Variants in TRAF6 observed in about 807,000 individuals in gnomAD.
The protein encoded by TRAF6 is TNF receptor-associated factor 6.
In TRAF6, 10 loss-of-function variants were observed where a neutral mutation model predicts 48.4. The ratio of observed to expected loss-of-function variants is 0.21; its 90% CI spans 0.13 to 0.35. TRAF6 has a LOEUF of 0.35. Ranked by LOEUF, TRAF6 falls within the 10% of genes least tolerant of loss-of-function variation. The pLI is 1.00. For synonymous variants in TRAF6, 186 were observed against 219.6 expected (o/e 0.85, Z 1.35); for missense variants, 397 against 661.0 (o/e 0.60, Z 4.38).
At chr11:36,497,038 C>G in intron 4 of TRAF6, 70 bp downstream of exon 4, 2 of 1,502,090 alleles carry the variant, frequency 1.3e-6, no homozygotes. Context: ...ACTGCTAACC[C>G]CCTCAAGTAC....
chr11:36,494,647 C>A (rs1194978457), intron 5 of TRAF6, among the ~76,000 whole-genome samples: 4 of 148,558 alleles, frequency 2.7e-5, no homozygotes, highest in African/African-American at 7.5e-5. Flanking sequence ...ATATATATAT[C>A]TTAGTTTTTT....
chr11:36,500,968 C>T (rs1859707701), intron 2 of TRAF6, among the ~76,000 whole-genome samples: 1 of 152,028 alleles, frequency 6.6e-6, no homozygotes, highest in South Asian at 2.1e-4. Context: ...ATTAGAATTG[C>T]TTTAAGTAAA....
rs201397793 is a variant in TRAF6, at chr11:36,498,448, C to A, written c.447+42G>T. 7 of 1,574,200 alleles carry A rather than the reference C, an allele frequency of 4.4e-6. No individual in the cohort carries two copies. In the African/African-American group the frequency reaches 6.8e-5, roughly 15 times the overall value. On this transcript the variant is annotated intron_variant, in intron 3 of 6. Coordinates refer to ENST00000526995, the MANE Select transcript of TRAF6 (RefSeq NM_004620.4). ...CAAAGTCCCTATTCTGTAGGAACTT[C>A]CTTTTATACATGTGCTAACAGCTAG...
chr11:36,491,180 A>G (rs1296197085), intron 6 of TRAF6, among the ~76,000 whole-genome samples: 1 of 152,126 alleles, frequency 6.6e-6, no homozygotes, highest in Admixed American at 6.5e-5. Flanking sequence ...AATATAGTCT[A>G]CCTGTATTGT....
chr11:36,503,406 T>A (rs5030436), intron 1 of TRAF6, among the ~76,000 whole-genome samples: 1,887 of 150,940 alleles, frequency 0.013, 44 homozygotes, highest in African/African-American at 0.043. Flanking sequence ...CGCCTCAGCC[T>A]CCCCAATAGC....
Position 36,498,492 on chromosome 11 carries a change from C to A in TRAF6, c.445G>T (p.Glu149Ter). ...CLHKMELRHLEDHQAHCEFAL... is the reference protein window; with the variant it reads ...CLHKMELRHL ...CAGCTAGAAAAGAACTTTAATACCT[C>A]AAGATGTCTCAGTTCCATCTTGTGC... Residue 149 changes from glutamate to a stop codon, truncating the protein, a stop_gained and splice_region_variant, in exon 3 of 7, where the codon GAG becomes TAG. Coordinates refer to ENST00000526995, the MANE Select transcript of TRAF6 (RefSeq NM_004620.4). LOFTEE classifies it high-confidence loss of function. 1 of 1,607,198 alleles carries A rather than the reference C, an allele frequency of 6.2e-7. No individual in the cohort carries two copies. Among genetic ancestry groups the A allele is most frequent in the Non-Finnish European group, 8.5e-7 (1 of 1,178,556 alleles).
Position 36,487,977 on chromosome 11 carries a change from C to T in TRAF6, c.*1861G>A, listed in dbSNP as rs967403217. On this transcript the variant is annotated 3_prime_UTR_variant, in exon 7 of 7. Transcript: ENST00000526995. ...TAAGCAAGCGCAAAGGAAAATAAGC[C>T]AACAAAAAGTTTAGTATATTTCCTT... 2 of 152,036 alleles carry T rather than the reference C, an allele frequency of 1.3e-5. No individual in the cohort carries two copies. The highest frequency in any genetic ancestry group is 4.8e-5 in the African/African-American group (2 of 41,368). The allele number at this position is 152,036 out of a possible 1,614,324, so 9.4% of individuals were successfully genotyped here.
chr11:36,510,121 G>A lies in TRAF6; in HGVS notation c.-96C>T, dbSNP rs1308972537. 6.6e-6 allele frequency: 1 copy of A among 152,532 alleles called. No homozygotes were observed. Among genetic ancestry groups the A allele is most frequent in the Non-Finnish European group, 1.5e-5 (1 of 68,298 alleles). 9.4% of individuals were successfully genotyped at this position (152,532 alleles called of 1,614,324 possible). A position where few individuals can be genotyped will look rare whatever the true frequency, so the allele number is the denominator to read the frequency against. The stretch of plus-strand genomic sequence containing the variant: ...CAACCGCACGACTCCGCTCAGCCAA[G>A]GCGCTGGTAGAGGACGGACACAGAC... On this transcript the variant is annotated 5_prime_UTR_variant, in exon 1 of 7. Coordinates refer to ENST00000526995, the MANE Select transcript of TRAF6 (RefSeq NM_004620.4).
chr11:36,502,586 C>T (rs927180817), intron 1 of TRAF6, among the ~76,000 whole-genome samples: 1 of 152,132 alleles, frequency 6.6e-6, no homozygotes, highest in African/African-American at 2.4e-5. Flanking sequence ...GCTGCCACTT[C>T]ACCAAATCGA....
At chr11:36,500,245 G>C (rs1354282906) in intron 2 of TRAF6, among the ~76,000 whole-genome samples, 1 of 152,170 alleles carries the variant, frequency 6.6e-6, no homozygotes, top group African/African-American at 2.4e-5. Context: ...CGGCAAGAAA[G>C]GTGGAACCAC....
intron 4 of TRAF6, chr11:36,496,303 C>CA (rs1171266314): frequency 6.6e-6 from 1 of 152,148 alleles, no homozygotes; most frequent in Non-Finnish European, 1.5e-5. Context: ...TTTGGCCTGG[C>CA]ATGATGGCTC....
At chr11:36,491,399 A>G (rs1413590264) in intron 6 of TRAF6, among the ~76,000 whole-genome samples, 1 of 152,188 alleles carries the variant, frequency 6.6e-6, no homozygotes, top group Non-Finnish European at 1.5e-5. Flanking sequence ...TTCCATTAAC[A>G]TTTTATTTCT....
chr11:36,491,459 ACCATTTTGCT>A (rs1859562653), intron 6 of TRAF6, among the ~76,000 whole-genome samples: 1 of 152,122 alleles, frequency 6.6e-6, no homozygotes, highest in South Asian at 2.1e-4. Context: ...ATACAACCAT[ACCATTTTGCT>A]CATTTTATTT....
chr11:36,485,576 G>A lies in TRAF6; in HGVS notation c.*4262C>T, dbSNP rs1859470356. 1.5e-5 allele frequency among the ~76,000 whole-genome samples: 1 copy of A among 64,586 alleles called. No homozygotes were observed. Among genetic ancestry groups the A allele is most frequent in the Admixed American group, 2.5e-4 (1 of 3,964 alleles). 42.4% of individuals were successfully genotyped at this position (64,586 alleles called of 152,430 possible). Reference sequence around the variant, plus strand: ...GTCCTGCTGAGAAAGCACTCTGAGAGAAGAAAAGCAGCACCACATCTCTCA... The same window carrying A: ...GTCCTGCTGAGAAAGCACTCTGAGAAAAGAAAAGCAGCACCACATCTCTCA... On this transcript the variant is annotated 3_prime_UTR_variant, in exon 7 of 7. Coordinates refer to ENST00000526995, the MANE Select transcript of TRAF6 (RefSeq NM_004620.4).
At position 36,497,111 on chromosome 11, in the gene TRAF6, T is replaced by A; in HGVS notation, c.603A>T (p.Lys201Asn). ...ACAAATCCAAGTTAGTACATGCCTC[T>A]TTATCTTCAAATGCCATTGATGCAG... The part of the protein sequence containing the change: ...NCAASMAFED[K>N]EIHDQNCPLA... Residue 201 changes from lysine to asparagine, a missense_variant, in exon 4 of 7, where the codon AAA (lysine) becomes AAT (asparagine). Around this residue, in one of 4 missense-constraint regions of TRAF6, gnomAD observed 245 missense variants for 349.1 expected, o/e 0.70. Transcript: ENST00000526995. The A allele has an allele frequency of 6.2e-7, 1 of 1,613,018 alleles. No homozygotes were observed. The highest frequency in any genetic ancestry group is 2.2e-5 in the East Asian group (1 of 44,850).
chr11:36,492,716 G>A, intron 5 of TRAF6, 88 bp from the exon 6 acceptor site: 2 of 1,027,152 alleles, frequency 1.9e-6, no homozygotes, highest in South Asian at 1.4e-5. Flanking sequence ...TATTGTCAAT[G>A]GCTGCTTTGT....
intron 5 of TRAF6, among the ~76,000 whole-genome samples, chr11:36,493,938 T>C (rs147516568): frequency 6.9e-4 from 105 of 152,332 alleles, no homozygotes; most frequent in African/African-American, 2.1e-3. Context: ...GGTATATCAA[T>C]AATGATCTCT....
rs753050886 is a variant in TRAF6, at chr11:36,485,481, C to T, written c.*4357G>A. Among the ~76,000 whole-genome samples, 21 of 152,114 alleles carry T rather than the reference C, an allele frequency of 1.4e-4. No individual in the cohort carries two copies. The highest frequency in any genetic ancestry group is 8.5e-4 in the Admixed American group (13 of 15,276). ...GATTGTCCGAGTGGGACAGCACCTA[C>T]CTTCAGAGCTGCAGACAGTAAGAGC... On this transcript the variant is annotated 3_prime_UTR_variant, in exon 7 of 7. Transcript: ENST00000526995.
In TRAF6 at chr11:36,490,108, T is replaced by C; in HGVS notation, c.1299A>G (p.Thr433=). The change falls in exon 7 of 7, where the codon ACA becomes ACG. Residue 433 remains threonine (T), a synonymous_variant. Transcript: ENST00000526995. This position sits in a 1 kb window ranked among gnomAD's most constrained non-coding sequence, Gnocchi z 6.4. The part of the protein sequence containing the change: ...PWPFQGTIRL[T]ILDQSEAPVR... ...CAGGTGCTTCAGACTGATCAAGAAT[T>C]GTAAGGCGTATTGTACCCTGGAAGG... The C allele has an allele frequency of 1.9e-6, 3 of 1,614,192 alleles. No individual in the cohort carries two copies. Among genetic ancestry groups the C allele is most frequent in the Non-Finnish European group, 1.7e-6 (2 of 1,180,046 alleles).
Sources: allele counts gnomAD v4.1 joint callset (sites outside exome capture counted in the v4.1 genomes callset), GRCh38; gene constraint gnomAD v4.1.1; regional missense constraint gnomAD v4.1.1; non-coding constraint Gnocchi (gnomAD v3.1); transcripts MANE v1.5; gene names NCBI Gene and HGNC (gene_info 2026-07-23, HGNC 2026-07-21).